FBXL2: variants seen among roughly 807,000 people sequenced by gnomAD.
FBXL2 encodes the protein F-box/LRR-repeat protein 2.
Under a neutral mutation model 69.2 loss-of-function variants are expected in FBXL2, and 38 were observed. The observed-to-expected ratio is 0.55, with a 90% CI of 0.42 to 0.72. The LOEUF is 0.72. FBXL2 is among the 30% of genes least tolerant of loss of function. The pLI, the probability that FBXL2 is intolerant of heterozygous loss-of-function variation, is 0.00. For synonymous variants in FBXL2, 192 were observed against 201.3 expected (o/e 0.95, Z 0.39); for missense variants, 354 against 520.3 (o/e 0.68, Z 3.11).
intron 1 of FBXL2, among the ~76,000 whole-genome samples, chr3:33,288,662 C>T (rs1188616271): frequency 1.3e-5 from 2 of 152,092 alleles, no homozygotes; most frequent in Non-Finnish European, 2.9e-5. Flanking sequence ...GGATGAACAG[C>T]AAGAAAACCA....
Position 33,386,805 on chromosome 3 carries a change from C to T in FBXL2, c.*1197C>T, listed in dbSNP as rs1420085798. The T allele has an allele frequency of 7.6e-6, 1 of 131,278 alleles. No individual in the cohort carries two copies. The highest frequency in any genetic ancestry group is 1.6e-5 in the Non-Finnish European group (1 of 60,720). 8.1% of individuals were successfully genotyped at this position (131,278 alleles called of 1,614,324 possible). ...CATATTTATGATCTTTATTAAGAACCTGTCAATCAGTCATCACCACCTTCA... is the reference window on the plus strand; with the variant it reads ...CATATTTATGATCTTTATTAAGAACTTGTCAATCAGTCATCACCACCTTCA... On this transcript the variant is annotated 3_prime_UTR_variant, in exon 15 of 15. Transcript: ENST00000484457.
At chr3:33,378,860 T>C in intron 13 of FBXL2, 119 bp downstream of exon 13, 1 of 1,567,042 alleles carries the variant, frequency 6.4e-7, no homozygotes, top group Admixed American at 2.0e-5. Flanking sequence ...ATTTCAAAAA[T>C]CTATTAATTG....
intron 1 of FBXL2, among the ~76,000 whole-genome samples, chr3:33,280,713 CAAAAAAAAAA>C (rs34093056): frequency 1.2e-5 from 1 of 81,442 alleles, no homozygotes; most frequent in Admixed American, 1.3e-4. Flanking sequence ...GCCCTGTATC[CAAAAAAAAAA>C]AAAAAAAAAA....
At chr3:33,412,611 C>A in the FBXL2 span, 6 of 695,466 alleles carry the variant, frequency 8.6e-6, no homozygotes, top group South Asian at 3.8e-5. Context: ...ACAAAATCCA[C>A]AAACACCAAA....
At chr3:33,418,478 T>G in the FBXL2 span, among the ~76,000 whole-genome samples, 1 of 151,940 alleles carries the variant, frequency 6.6e-6, no homozygotes, top group African/African-American at 2.4e-5. Flanking sequence ...AGGCAAGTCT[T>G]GAACTCCTGA....
chr3:33,300,086 C>T (rs1176305014), intron 2 of FBXL2, among the ~76,000 whole-genome samples: 1 of 152,060 alleles, frequency 6.6e-6, no homozygotes, highest in Non-Finnish European at 1.5e-5. Flanking sequence ...CCTGGGGAAT[C>T]ATAAGCAGCT....
intron 1 of FBXL2, among the ~76,000 whole-genome samples, chr3:33,290,960 C>G (rs550733627): frequency 3.4e-4 from 52 of 151,360 alleles, no homozygotes; most frequent in Non-Finnish European, 6.0e-4. Context: ...GAGACCCTCT[C>G]ACTCTGTTGC....
At position 33,315,446 on chromosome 3, in the gene FBXL2, T is replaced by TA. The variant is rs2037602269; in HGVS notation, c.65+17721_65+17722insA. On this transcript the variant is annotated intron_variant, in intron 2 of 14. Coordinates refer to ENST00000484457, the MANE Select transcript of FBXL2 (RefSeq NM_012157.5). ...TTGTATTATCAATGCAAATGTCAGT[T>TA]TAAAAAAAAAAAAAGATGTGCTTTT... Among the ~76,000 whole-genome samples the TA allele has an allele frequency of 3.4e-5, 5 of 148,554 alleles. No individual in the cohort carries two copies. The Admixed American group carries it at 3.4e-4, about 10-fold the overall frequency.
intron 12 of FBXL2, chr3:33,403,124 C>G (rs2044293800): frequency 2.1e-6 from 1 of 474,092 alleles, no homozygotes; most frequent in Middle Eastern, 6.0e-4. Flanking sequence ...TAGAGAAGAC[C>G]TAAAGTGATG....
At chr3:33,279,754 T>C (rs1253882519) in intron 1 of FBXL2, among the ~76,000 whole-genome samples, 1 of 152,208 alleles carries the variant, frequency 6.6e-6, no homozygotes, top group Non-Finnish European at 1.5e-5. Flanking sequence ...TGTACATATG[T>C]ACATAGTTAT....
At chr3:33,309,759 C>T (rs889953918) in intron 2 of FBXL2, among the ~76,000 whole-genome samples, 11 of 152,168 alleles carry the variant, frequency 7.2e-5, no homozygotes, top group African/African-American at 2.7e-4. Flanking sequence ...TCATTCCTTA[C>T]ATTTTATCTT....
chr3:33,412,336 G>GA, the FBXL2 span, among the ~76,000 whole-genome samples: 1 of 151,462 alleles, frequency 6.6e-6, no homozygotes, highest in Non-Finnish European at 1.5e-5. Flanking sequence ...ACGAGGATGG[G>GA]AAAAAAATAA....
intron 1 of FBXL2, among the ~76,000 whole-genome samples, chr3:33,285,140 A>G (rs2034469370): frequency 6.6e-6 from 1 of 152,138 alleles, no homozygotes; most frequent in African/African-American, 2.4e-5. Context: ...TAGCATTGAT[A>G]GTCTTTACAG....
At chr3:33,350,341 C>T (rs1447796399) in intron 2 of FBXL2, among the ~76,000 whole-genome samples, 1 of 150,652 alleles carries the variant, frequency 6.6e-6, no homozygotes, top group Non-Finnish European at 1.5e-5. Context: ...GTGGCACCCA[C>T]TCGTGATAAA....
At chr3:33,320,111 T>C (rs1442815757) in intron 2 of FBXL2, among the ~76,000 whole-genome samples, 8 of 152,148 alleles carry the variant, frequency 5.3e-5, no homozygotes, top group Non-Finnish European at 1.2e-4. Context: ...GGGGGGACAT[T>C]TAAAAAACTG....
rs34703817 is a variant in FBXL2, at chr3:33,322,064, A to ATTT, written c.65+24368_65+24370dup. On this transcript the variant is annotated intron_variant, in intron 2 of 14. Transcript: ENST00000484457. ...CAAATGTACACGTGGTGACTAGGTGATTTTTTTTTTTTTTTTTTTTTTTTT... is the reference window on the plus strand; with the variant it reads ...CAAATGTACACGTGGTGACTAGGTGATTTTTTTTTTTTTTTTTTTTTTTTTTTT... 7.2e-3 allele frequency among the ~76,000 whole-genome samples: 448 copies of ATTT among 62,486 alleles called. 83 individuals are homozygous for ATTT. The highest frequency in any genetic ancestry group is 0.027 in the African/African-American group (353 of 13,152). 41.0% of individuals were successfully genotyped at this position (62,486 alleles called of 152,430 possible).
At chr3:33,378,021 A>AT in intron 11 of FBXL2, 82 bp from the exon 12 acceptor site, 1 of 1,329,826 alleles carries the variant, frequency 7.5e-7, no homozygotes, top group Non-Finnish European at 1.1e-6. Flanking sequence ...CACTGGGCCA[A>AT]TACTCAGAGG....
At chr3:33,371,881 C>G (rs571008533) in intron 5 of FBXL2, among the ~76,000 whole-genome samples, 3 of 152,270 alleles carry the variant, frequency 2.0e-5, no homozygotes, top group Admixed American at 6.5e-5. Context: ...TGCGCCACTC[C>G]TAAAGGAAGA....
chr3:33,360,055 A>G (rs1044773306), intron 4 of FBXL2, among the ~76,000 whole-genome samples: 1 of 152,178 alleles, frequency 6.6e-6, no homozygotes, highest in Non-Finnish European at 1.5e-5. Flanking sequence ...AATTGTCTGA[A>G]GTGCTGGTTT....
Sources: allele counts gnomAD v4.1 joint callset (sites outside exome capture counted in the v4.1 genomes callset), GRCh38; gene constraint gnomAD v4.1.1; transcripts MANE v1.5; gene names NCBI Gene and HGNC (gene_info 2026-07-23, HGNC 2026-07-21).